SMAD4: variants seen among roughly 807,000 people sequenced by gnomAD.
The protein encoded by SMAD4 is MAD homolog 4.
A neutral mutation model predicts 63.2 loss-of-function variants in SMAD4; 7 were observed. The observed-to-expected ratio is 0.11, with a 90% CI of 0.06 to 0.21. The LOEUF (loss-of-function observed/expected upper bound fraction) is 0.21. Among genes scored for constraint, SMAD4 ranks in the 10% least tolerant of loss-of-function variants. SMAD4 has a pLI of 1.00. For missense variants in SMAD4, 312 were observed against 693.8 expected, an observed-to-expected ratio of 0.45 and a Z score of 6.18; for synonymous variants, 215 against 235.4, an observed-to-expected ratio of 0.91 and a Z score of 0.79.
At chr18:51,041,443 G>A (rs1160874437) in intron 1 of SMAD4, among the ~76,000 whole-genome samples, 1 of 152,150 alleles carries the variant, frequency 6.6e-6, no homozygotes, top group African/African-American at 2.4e-5. Flanking sequence ...TGGCACTGTT[G>A]ACATTTTAGG....
At chr18:51,067,498 C>T (rs1002936434) in intron 10 of SMAD4, among the ~76,000 whole-genome samples, 29 of 151,946 alleles carry the variant, frequency 1.9e-4, no homozygotes, top group Admixed American at 1.4e-3. Context: ...CTGCAACCTG[C>T]GCCTCCTGGG....
At chr18:51,071,876 T>C (rs753138024) in intron 10 of SMAD4, among the ~76,000 whole-genome samples, 12 of 152,252 alleles carry the variant, frequency 7.9e-5, no homozygotes, top group Non-Finnish European at 1.8e-4. Context: ...TTATGTAATA[T>C]AGTCTTTTAT....
At chr18:51,077,372 G>T (rs2144476157) in intron 11 of SMAD4, 2 of 984,820 alleles carry the variant, frequency 2.0e-6, no homozygotes, top group East Asian at 2.3e-4. Flanking sequence ...ACGTCTGAAG[G>T]CATAACTAGT....
rs1555684979 is a variant in SMAD4 at position 51,047,050 on chromosome 18, G to A, written c.4G>A (p.Asp2Asn). The change falls in exon 2 of 12, where the codon GAC (aspartate) becomes AAC (asparagine). Residue 2 changes from aspartate to asparagine, a missense_variant. Asp to Asn is a conservative substitution (Grantham distance 23, BLOSUM62 1). This residue lies in a region of SMAD4 where 37 missense variants were observed against 87.3 expected (regional missense o/e 0.42). Transcript: ENST00000342988. M[D>N]NMSITNTPTS... ...TTAAAAGGAAAAACTTGAACAAATG[G>A]ACAATATGTCTATTACGAATACACC... The A allele has an allele frequency of 6.2e-7, 1 of 1,613,514 alleles. No individual in the cohort carries two copies. Among genetic ancestry groups the A allele is most frequent in the Non-Finnish European group, 8.5e-7 (1 of 1,179,540 alleles).
chr18:51,084,006 G>GCC lies in SMAD4; in HGVS notation c.*5540_*5541insCC. 2.5e-5 allele frequency: 5 copies of GCC among 201,380 alleles called. No homozygotes were observed. Among genetic ancestry groups the GCC allele is most frequent in the African/African-American group, 1.0e-4 (4 of 38,608 alleles). The allele number at this position is 201,380 out of a possible 1,614,324, so 12.5% of individuals were successfully genotyped here. On this transcript the variant is annotated 3_prime_UTR_variant, in exon 12 of 12. Transcript: ENST00000342988. ...AAACACTTAACGCGCGTGCGCACGC[G>GCC]CGCGCGCACACACACACACACACAC...
At chr18:51,055,976 C>T (rs1909835203) in intron 5 of SMAD4, among the ~76,000 whole-genome samples, 1 of 152,116 alleles carries the variant, frequency 6.6e-6, no homozygotes, top group Admixed American at 6.5e-5. Context: ...ACCAGAATTT[C>T]CCCTTTAATT....
At position 51,030,791 on chromosome 18, in the gene SMAD4, G is replaced by T. The variant is rs975726601; in HGVS notation, c.-128+168G>T. Among the ~76,000 whole-genome samples the T allele has an allele frequency of 1.4e-3, 218 of 151,520 alleles. 1 individual carries two copies. Among genetic ancestry groups the T allele is most frequent in the African/African-American group, 4.9e-3 (204 of 41,430 alleles). ...CGCGGCGGCCTGACGAGCCGGGCCG[G>T]GCGGGCCGGCTGAATGCCGGGCGGC... On this transcript the variant is annotated intron_variant, in intron 1 of 11. Transcript: ENST00000342988.
Position 51,067,153 on chromosome 18 carries a change from C to A in SMAD4, c.1274C>A (p.Ala425Asp). 6.2e-7 allele frequency: 1 copy of A among 1,607,088 alleles called. No homozygotes were observed. The highest frequency in any genetic ancestry group is 8.5e-7 in the Non-Finnish European group (1 of 1,173,694). ...GAAGCTGGGCGTGCACCTGGAGATG[C>A]TGTTCATAAGATCTACCCAAGTGCA... is the stretch of plus-strand genomic sequence containing the variant. ...DREAGRAPGD[A>D]VHKIYPSAYI... Residue 425 changes from alanine to aspartate, a missense_variant, in exon 10 of 12, where the codon GCT becomes GAT. Transcript: ENST00000342988.
rs1599208252 is a variant in SMAD4, at chr18:51,081,773, T to A, written c.*3306T>A. The A allele has an allele frequency of 4.3e-6, 1 of 232,678 alleles. No homozygotes were observed. The highest frequency in any genetic ancestry group is 6.1e-5 in the East Asian group (1 of 16,456). The allele number at this position is 232,678 out of a possible 1,614,324, so 14.4% of individuals were successfully genotyped here. On this transcript the variant is annotated 3_prime_UTR_variant, in exon 12 of 12. Coordinates refer to ENST00000342988, the MANE Select transcript of SMAD4 (RefSeq NM_005359.6). The stretch of plus-strand genomic sequence containing the variant: ...TATACATCTTATTATTTTTAAAGTT[T>A]ATTGCTAATTGTAGGAAGGTGAGTT...
chr18:51,081,154 G>A lies in SMAD4; in HGVS notation c.*2687G>A, dbSNP rs78321956. On this transcript the variant is annotated 3_prime_UTR_variant, in exon 12 of 12. Coordinates refer to ENST00000342988, the MANE Select transcript of SMAD4 (RefSeq NM_005359.6). ...ATGAATAAGACTAAAGATTCTCACA[G>A]GTTTAAAATTTTATGTCTACTTTAA... 5.4e-3 allele frequency: 1,199 copies of A among 220,156 alleles called. 12 individuals are homozygous for A. The highest frequency in any genetic ancestry group is 0.025 in the African/African-American group (1,115 of 44,556). 13.6% of individuals were successfully genotyped at this position (220,156 alleles called of 1,614,324 possible). A position where few individuals can be genotyped will look rare whatever the true frequency, so the allele number is the denominator to read the frequency against.
At chr18:51,068,874 TC>T (rs1910241651) in intron 10 of SMAD4, among the ~76,000 whole-genome samples, 1 of 152,148 alleles carries the variant, frequency 6.6e-6, no homozygotes, top group South Asian at 2.1e-4. Flanking sequence ...AGAGCCATGA[TC>T]ATGCCACTGT....
In SMAD4 at chr18:51,076,699, C is replaced by T. The variant is rs2144474045; in HGVS notation, c.1370C>T (p.Ala457Val). The T allele has an allele frequency of 6.2e-7, 1 of 1,613,178 alleles. No homozygotes were observed. Among genetic ancestry groups the T allele is most frequent in the Non-Finnish European group, 8.5e-7 (1 of 1,179,166 alleles). The change falls in exon 11 of 12, where the codon GCA (alanine) becomes GTA (valine). Residue 457 changes from alanine (A) to valine (V), a missense_variant. Coordinates refer to ENST00000342988, the MANE Select transcript of SMAD4 (RefSeq NM_005359.6). ...MQQQAATAQA[A>V]AAAQAAAVAG... is the part of the protein sequence containing the mutation. The stretch of plus-strand genomic sequence containing the variant: ...CAGCAGGCGGCTACTGCACAAGCTG[C>T]AGCAGCTGCCCAGGCAGCAGCCGTG...
At position 51,030,621 on chromosome 18, in the gene SMAD4, C is replaced by G. The variant is rs1909012038; in HGVS notation, c.-130C>G. 6.7e-6 allele frequency: 1 copy of G among 149,644 alleles called. No individual in the cohort carries two copies. Among genetic ancestry groups the G allele is most frequent in the African/African-American group, 2.4e-5 (1 of 41,130 alleles). The allele number at this position is 149,644 out of a possible 1,614,324, so 9.3% of individuals were successfully genotyped here. ...GACTCCCCTCGCCACCGCCCGAGCCCAGGTAACCGCGCCATGTCCCCTCCC... is the reference window on the plus strand; with the variant it reads ...GACTCCCCTCGCCACCGCCCGAGCCGAGGTAACCGCGCCATGTCCCCTCCC... On this transcript the variant is annotated splice_region_variant and 5_prime_UTR_variant, in exon 1 of 12. Coordinates refer to ENST00000342988, the MANE Select transcript of SMAD4 (RefSeq NM_005359.6).
chr18:51,040,675 T>C (rs1022380467), intron 1 of SMAD4, among the ~76,000 whole-genome samples: 1 of 152,216 alleles, frequency 6.6e-6, no homozygotes, highest in African/African-American at 2.4e-5. Context: ...ATTAGTTTGG[T>C]TATTTGGCTT....
chr18:51,030,944 C>A (rs947234881), intron 1 of SMAD4, among the ~76,000 whole-genome samples: 1 of 152,152 alleles, frequency 6.6e-6, no homozygotes. Context: ...ACGGTCGCCC[C>A]GGCTGAGCGC....
In SMAD4 at chr18:51,081,518, C is replaced by CACTA. The variant is rs1910612571; in HGVS notation, c.*3053_*3056dup. 4.3e-6 allele frequency: 1 copy of CACTA among 231,542 alleles called. No individual in the cohort carries two copies. Among genetic ancestry groups the CACTA allele is most frequent in the African/African-American group, 2.2e-5 (1 of 45,206 alleles). 14.3% of individuals were successfully genotyped at this position (231,542 alleles called of 1,614,324 possible). ...CATGGCTGTTTTGTATTGCTGTAAC[C>CACTA]ACTAAATAGGTTGCCTATACCATTC... On this transcript the variant is annotated 3_prime_UTR_variant, in exon 12 of 12. Transcript: ENST00000342988.
At chr18:51,031,525 T>A (rs899916194) in intron 1 of SMAD4, among the ~76,000 whole-genome samples, 8 of 152,226 alleles carry the variant, frequency 5.3e-5, no homozygotes, top group African/African-American at 1.9e-4. Flanking sequence ...TAAGGTGGAA[T>A]TGCCAGTTAT....
rs1181080909 is a variant in SMAD4 at position 51,082,410 on chromosome 18, C to T, written c.*3943C>T. 1 of 229,202 alleles carries T rather than the reference C, an allele frequency of 4.4e-6. No individual in the cohort carries two copies. The highest frequency in any genetic ancestry group is 8.6e-6 in the Non-Finnish European group (1 of 115,686). The allele number at this position is 229,202 out of a possible 1,614,324, so 14.2% of individuals were successfully genotyped here. On this transcript the variant is annotated 3_prime_UTR_variant, in exon 12 of 12. Transcript: ENST00000342988. The stretch of plus-strand genomic sequence containing the variant: ...TATGTAAAAAGTCCATGGCCTTATT[C>T]ATCCACAAAGTGGCATCCTAGGCCC...
At chr18:51,073,361 T>TATA (rs1555687090) in intron 10 of SMAD4, among the ~76,000 whole-genome samples, 1 of 22,218 alleles carries the variant, frequency 4.5e-5, no homozygotes, top group African/African-American at 1.9e-4. Context: ...CCAGATAACA[T>TATA]TATATATATA....
Sources: gnomAD v4.1 joint callset for allele counts (sites outside exome capture counted in the v4.1 genomes callset) on GRCh38, gnomAD v4.1.1 for gene constraint, gnomAD v4.1.1 regional missense constraint, MANE v1.5 for transcripts, NCBI Gene and HGNC (gene_info 2026-07-23, HGNC 2026-07-21) for gene names.